ATP9A: variants seen among roughly 807,000 people sequenced by gnomAD.
ATP9A encodes probable phospholipid-transporting ATPase IIA.
A neutral mutation model predicts 144.1 loss-of-function variants in ATP9A; 52 were observed. That is an observed-to-expected ratio of 0.36 (90% CI 0.29 to 0.45). The LOEUF (loss-of-function observed/expected upper bound fraction) is 0.45. Among genes scored for constraint, ATP9A ranks in the 20% least tolerant of loss-of-function variants. The pLI is 1.00. For synonymous variants in ATP9A, 582 were observed against 557.4 expected, an observed-to-expected ratio of 1.04 and a Z score of -0.62; for missense variants, 947 against 1,392.7, an observed-to-expected ratio of 0.68 and a Z score of 5.09.
intron 15 of ATP9A, among the ~76,000 whole-genome samples, chr20:51,637,699 G>GTTTT (rs5841854): frequency 6.9e-6 from 1 of 145,732 alleles, no homozygotes; most frequent in Non-Finnish European, 1.5e-5. Flanking sequence ...TGTGCACTCT[G>GTTTT]TTTTTTTTTT....
chr20:51,622,374 G>A (rs1454538880), intron 18 of ATP9A, among the ~76,000 whole-genome samples: 2 of 152,192 alleles, frequency 1.3e-5, no homozygotes, highest in African/African-American at 2.4e-5. Context: ...GCTGGTAGCA[G>A]CAAAAACTGG....
chr20:51,656,817 G>C, intron 14 of ATP9A, 121 bp downstream of exon 14: 1 of 848,628 alleles, frequency 1.2e-6, no homozygotes, highest in Non-Finnish European at 1.9e-6. Context: ...TTTCCCAGCA[G>C]CCCTGCATCA....
In ATP9A at chr20:51,674,212, GC is replaced by G. The variant is rs768535861; in HGVS notation, c.977del (p.Gly326AlafsTer24). On this transcript the variant is annotated frameshift_variant, in exon 11 of 28. Coordinates refer to ENST00000338821, the MANE Select transcript of ATP9A (RefSeq NM_006045.3). LOFTEE classifies it high-confidence loss of function. ...AGCGGATGATCTGCAGGTACCAACG[GC>G]CTGCAAAGTGCTGAAGGGCAACCAT... ...LVMVALQHFA[G>X]RWYLQIIRFL... 1.9e-6 allele frequency: 3 copies of G among 1,613,974 alleles called. No homozygotes were observed. The highest frequency in any genetic ancestry group is 2.5e-6 in the Non-Finnish European group (3 of 1,179,962).
At chr20:51,701,579 C>A (rs1309000979) in intron 4 of ATP9A, among the ~76,000 whole-genome samples, 1 of 152,114 alleles carries the variant, frequency 6.6e-6, no homozygotes, top group African/African-American at 2.4e-5. Context: ...TTCTGAGTAA[C>A]CCCAGCAGGC....
chr20:51,747,383 C>A (rs181984506), intron 1 of ATP9A, among the ~76,000 whole-genome samples: 2 of 152,076 alleles, frequency 1.3e-5, no homozygotes, highest in African/African-American at 2.4e-5. Flanking sequence ...ATGTTCACAG[C>A]GGCAATAGAC....
At chr20:51,765,239 T>C (rs2077898470) in intron 1 of ATP9A, among the ~76,000 whole-genome samples, 1 of 152,170 alleles carries the variant, frequency 6.6e-6, no homozygotes, top group Admixed American at 6.6e-5. Flanking sequence ...CAAGAGTTTC[T>C]AAACTTCAGG....
chr20:51,693,737 C>T (rs575966684), intron 7 of ATP9A, among the ~76,000 whole-genome samples: 2 of 152,278 alleles, frequency 1.3e-5, no homozygotes, highest in South Asian at 4.1e-4. Flanking sequence ...GAATGGCATG[C>T]TCTGGCTTAC....
At chr20:51,669,914 G>T in intron 13 of ATP9A, 83 bp downstream of exon 13, 1 of 919,334 alleles carries the variant, frequency 1.1e-6, no homozygotes, top group Non-Finnish European at 1.8e-6. Context: ...TGAATTGTAC[G>T]GTATTGTGAA....
chr20:51,721,303 T>C (rs2077687939), intron 3 of ATP9A, among the ~76,000 whole-genome samples: 1 of 152,228 alleles, frequency 6.6e-6, no homozygotes, highest in Admixed American at 6.5e-5. Context: ...ATCTTTTTTA[T>C]GTTTACAACT....
rs1046512274 is a variant in ATP9A at position 51,725,736 on chromosome 20, C to T, written c.327+83G>A. On this transcript the variant is annotated intron_variant, in intron 3 of 27. Coordinates refer to ENST00000338821, the MANE Select transcript of ATP9A (RefSeq NM_006045.3). ...TCCCTTACAAGGCCACCATCCCATT[C>T]CAGATGCCTAAGTGAGAGAAACAAA... The T allele has an allele frequency of 2.6e-5, 25 of 965,056 alleles. No individual in the cohort carries two copies. The African/African-American group carries it at 3.9e-4, about 15-fold the overall frequency. 59.8% of individuals were successfully genotyped at this position (965,056 alleles called of 1,614,324 possible).
chr20:51,659,212 T>C (rs914408424), intron 13 of ATP9A, among the ~76,000 whole-genome samples: 1 of 152,168 alleles, frequency 6.6e-6, no homozygotes, highest in Admixed American at 6.5e-5. Flanking sequence ...GCACTCCACT[T>C]GCCTTCCCGT....
chr20:51,600,808 ACACACAC>A lies in ATP9A; in HGVS notation c.*396_*402del, dbSNP rs2077139472. On this transcript the variant is annotated 3_prime_UTR_variant, in exon 28 of 28. Coordinates refer to ENST00000338821, the MANE Select transcript of ATP9A (RefSeq NM_006045.3). ...ACATACACATTAGGACTCTTTAAAAACACACACACACACACACACACACACACACACA... is the reference window on the plus strand; with the variant it reads ...ACATACACATTAGGACTCTTTAAAAAACACACACACACACACACACACACA... 6.3e-5 allele frequency: 1 copy of A among 15,856 alleles called. No individual in the cohort carries two copies. The highest frequency in any genetic ancestry group is 1.3e-4 in the Non-Finnish European group (1 of 7,934). The allele number at this position is 15,856 out of a possible 1,614,324, so 1.0% of individuals were successfully genotyped here.
intron 14 of ATP9A, among the ~76,000 whole-genome samples, chr20:51,654,420 T>C (rs1266578214): frequency 6.6e-6 from 1 of 151,720 alleles, no homozygotes; most frequent in Non-Finnish European, 1.5e-5. Context: ...TACTTGCAAA[T>C]TGGTCCAGAA....
chr20:51,702,692 G>T (rs138395258), intron 4 of ATP9A, among the ~76,000 whole-genome samples: 2 of 152,202 alleles, frequency 1.3e-5, no homozygotes, highest in Non-Finnish European at 2.9e-5. Context: ...GAAAAAATCG[G>T]TAAGGGTGTG....
In ATP9A at chr20:51,602,169, G is replaced by C. The variant is rs933729898; in HGVS notation, c.3008-822C>G. Among the ~76,000 whole-genome samples the C allele has an allele frequency of 4.6e-5, 7 of 152,016 alleles. No homozygotes were observed. The East Asian group carries it at 5.8e-4, about 13-fold the overall frequency. ...CCCTCAGGGACTCTGATGGAAGGTG[G>C]GGGGGGCGGGCGTACTGCCTTTCCT... is the stretch of plus-strand genomic sequence containing the variant. On this transcript the variant is annotated intron_variant, in intron 27 of 27. Coordinates refer to ENST00000338821, the MANE Select transcript of ATP9A (RefSeq NM_006045.3).
chr20:51,632,983 G>A (rs2077275768), intron 15 of ATP9A, among the ~76,000 whole-genome samples: 1 of 152,108 alleles, frequency 6.6e-6, no homozygotes, highest in Non-Finnish European at 1.5e-5. Flanking sequence ...AATGAGCCAG[G>A]CGTGGTGGCA....
At chr20:51,762,959 A>G (rs1052969332) in intron 1 of ATP9A, among the ~76,000 whole-genome samples, 1 of 151,968 alleles carries the variant, frequency 6.6e-6, no homozygotes, top group East Asian at 1.9e-4. Context: ...GGCTCAAGCA[A>G]TCCTCCTGCC....
intron 9 of ATP9A, among the ~76,000 whole-genome samples, chr20:51,679,631 G>A (rs542784657): frequency 1.4e-4 from 22 of 152,102 alleles, no homozygotes; most frequent in African/African-American, 5.1e-4. Flanking sequence ...CCCACCCTCT[G>A]CAGCCTGCAG....
At chr20:51,755,414 G>A (rs2077851513) in intron 1 of ATP9A, among the ~76,000 whole-genome samples, 1 of 151,672 alleles carries the variant, frequency 6.6e-6, no homozygotes, top group Admixed American at 6.6e-5. Flanking sequence ...CAGCCTGGGT[G>A]AAAGAACAAG....
Sources: gnomAD v4.1 joint callset for allele counts (sites outside exome capture counted in the v4.1 genomes callset) on GRCh38, gnomAD v4.1.1 for gene constraint, MANE v1.5 for transcripts, NCBI Gene and HGNC (gene_info 2026-07-23, HGNC 2026-07-21) for gene names.